The following HIBADH variants were observed in gnomAD, a reference collection of about 807,000 sequenced individuals.
The protein encoded by HIBADH is 3-hydroxyisobutyrate dehydrogenase, mitochondrial.
A neutral mutation model predicts 36.1 loss-of-function variants in HIBADH; 25 were observed. That is an observed-to-expected ratio of 0.69 (90% CI 0.50 to 0.97). HIBADH has a LOEUF of 0.97. HIBADH is among the 50% of genes least tolerant of loss of function. HIBADH has a pLI of 0.00. For synonymous variants in HIBADH, 160 were observed against 149.5 expected (o/e 1.07, Z -0.51); for missense variants, 421 against 418.0 (o/e 1.01, Z -0.06).
At position 27,542,499 on chromosome 7, in the gene HIBADH, G is replaced by C. The variant is rs182358552; in HGVS notation, c.618+468C>G. 1.1e-3 allele frequency among the ~76,000 whole-genome samples: 137 copies of C among 120,100 alleles called. 1 individual carries two copies. The East Asian group carries it at 0.036, about 31-fold the overall frequency. The allele number at this position is 120,100 out of a possible 152,430, so 78.8% of individuals were successfully genotyped here. A position where few individuals can be genotyped will look rare whatever the true frequency, so the allele number is the denominator to read the frequency against. ...TCTTGCTCTATCACCCAGGCTGACT[G>C]CAGTGGCTCTATCATGGCTCACTGC... On this transcript the variant is annotated intron_variant, in intron 5 of 7. Transcript: ENST00000265395.
chr7:27,612,254 C>G (rs545962522), intron 4 of HIBADH, among the ~76,000 whole-genome samples: 2 of 151,474 alleles, frequency 1.3e-5, no homozygotes, highest in Admixed American at 1.3e-4. Context: ...ATTTCAAGTA[C>G]AAGATATTTT....
At chr7:27,566,070 A>G (rs889466172) in intron 4 of HIBADH, among the ~76,000 whole-genome samples, 1 of 152,006 alleles carries the variant, frequency 6.6e-6, no homozygotes, top group Non-Finnish European at 1.5e-5. Flanking sequence ...CAATTTCTTA[A>G]TATGTTGATC....
rs796941015 is a variant in HIBADH, at chr7:27,551,414, T to C, written c.485-8314A>G. Reference sequence around the variant, plus strand: ...TTGACACTCAAATGAAACAATACATTGGAAAGGTATATAGCTATTACACAA... The same window carrying C: ...TTGACACTCAAATGAAACAATACATCGGAAAGGTATATAGCTATTACACAA... On this transcript the variant is annotated intron_variant, in intron 4 of 7. Coordinates refer to ENST00000265395, the MANE Select transcript of HIBADH (RefSeq NM_152740.4). Among the ~76,000 whole-genome samples the C allele has an allele frequency of 3.9e-5, 6 of 152,112 alleles. No homozygotes were observed. The East Asian group carries it at 1.2e-3, about 29-fold the overall frequency.
chr7:27,580,401 T>TAAC (rs996795831), intron 4 of HIBADH, among the ~76,000 whole-genome samples: 30 of 152,182 alleles, frequency 2.0e-4, no homozygotes, highest in Admixed American at 1.5e-3. Flanking sequence ...CAGTTCCCAA[T>TAAC]AACAACAACA....
At chr7:27,660,597 G>A (rs764805731) in intron 1 of HIBADH, among the ~76,000 whole-genome samples, 1 of 152,014 alleles carries the variant, frequency 6.6e-6, no homozygotes, top group Non-Finnish European at 1.5e-5. Context: ...CCTGGGAGGC[G>A]GAGCTTGCAG....
rs143519307 is a variant in HIBADH, at chr7:27,549,187, T to C, written c.485-6087A>G. Among the ~76,000 whole-genome samples the C allele has an allele frequency of 2.9e-3, 447 of 152,234 alleles. 1 individual carries two copies. Among genetic ancestry groups the C allele is most frequent in the African/African-American group, 0.01 (427 of 41,544 alleles). On this transcript the variant is annotated intron_variant, in intron 4 of 7. Coordinates refer to ENST00000265395, the MANE Select transcript of HIBADH (RefSeq NM_152740.4). ...AAAATCAGAAATAAGGAGAAATAAG[T>C]TCAAGAGACCTACTGTACAACATGG...
chr7:27,658,819 C>T (rs1242843214), intron 1 of HIBADH, among the ~76,000 whole-genome samples: 1 of 152,106 alleles, frequency 6.6e-6, no homozygotes, highest in African/African-American at 2.4e-5. Context: ...CATAATACTA[C>T]GTCATAAGCA....
At chr7:27,606,535 T>C (rs961515052) in intron 4 of HIBADH, among the ~76,000 whole-genome samples, 5 of 152,260 alleles carry the variant, frequency 3.3e-5, no homozygotes, top group Non-Finnish European at 5.9e-5. Context: ...CGCCAGCTGA[T>C]AAACAAACAA....
intron 2 of HIBADH, among the ~76,000 whole-genome samples, chr7:27,635,807 C>T (rs1044932425): frequency 5.9e-5 from 9 of 152,172 alleles, no homozygotes; most frequent in Non-Finnish European, 8.8e-5. Context: ...AGATCTCCTG[C>T]TAATTCCAAC....
chr7:27,530,710 A>G (rs531906576), intron 7 of HIBADH, among the ~76,000 whole-genome samples: 1 of 152,072 alleles, frequency 6.6e-6, no homozygotes, highest in East Asian at 1.9e-4. Context: ...TGACTTAACT[A>G]GTTTTTATAT....
At chr7:27,611,888 T>C (rs1785327643) in intron 4 of HIBADH, among the ~76,000 whole-genome samples, 1 of 152,140 alleles carries the variant, frequency 6.6e-6, no homozygotes, top group East Asian at 1.9e-4. Flanking sequence ...TCTCTAAACC[T>C]TTTCATTCAA....
At chr7:27,538,657 T>C (rs1784102988) in intron 5 of HIBADH, among the ~76,000 whole-genome samples, 1 of 152,146 alleles carries the variant, frequency 6.6e-6, no homozygotes, top group Non-Finnish European at 1.5e-5. Flanking sequence ...TGAAAATTTA[T>C]TTTCCACATA....
chr7:27,642,364 T>C (rs1207735505), intron 2 of HIBADH, among the ~76,000 whole-genome samples: 3 of 152,206 alleles, frequency 2.0e-5, no homozygotes, highest in Non-Finnish European at 2.9e-5. Context: ...CACTTAATTA[T>C]AGTAAAATTA....
intron 1 of HIBADH, 108 bp downstream of exon 1, chr7:27,662,590 C>G: frequency 3.1e-6 from 2 of 637,642 alleles, no homozygotes; most frequent in Non-Finnish European, 4.7e-6. Context: ...GTTTTTTAAG[C>G]CCCAGCCCAA....
At chr7:27,529,527 T>C (rs926789942) in intron 7 of HIBADH, among the ~76,000 whole-genome samples, 9 of 152,120 alleles carry the variant, frequency 5.9e-5, no homozygotes, top group African/African-American at 1.9e-4. Flanking sequence ...GTGGTGGAAA[T>C]AGGAGAACTA....
intron 2 of HIBADH, among the ~76,000 whole-genome samples, chr7:27,641,599 T>A (rs934660858): frequency 1.3e-5 from 2 of 152,198 alleles, no homozygotes; most frequent in Admixed American, 6.5e-5. Flanking sequence ...TCCAACATTT[T>A]AAAAAACTAA....
intron 4 of HIBADH, 88 bp from the exon 5 acceptor site, chr7:27,543,188 A>G: frequency 7.4e-7 from 1 of 1,349,464 alleles, no homozygotes; most frequent in African/African-American, 1.5e-5. Context: ...GAAACCAACT[A>G]AAAACATCCT....
chr7:27,556,712 A>C (rs1173833123), intron 4 of HIBADH, among the ~76,000 whole-genome samples: 1 of 152,234 alleles, frequency 6.6e-6, no homozygotes, highest in Non-Finnish European at 1.5e-5. Flanking sequence ...GTACCTATAC[A>C]TACAAAGGTC....
intron 2 of HIBADH, among the ~76,000 whole-genome samples, chr7:27,645,369 T>TGG (rs70974487): frequency 3.9e-4 from 19 of 48,840 alleles, no homozygotes; most frequent in African/African-American, 1.5e-3. Flanking sequence ...ATGGTTTTGA[T>TGG]TTTTTTTTTT....
Sources: allele counts gnomAD v4.1 joint callset (sites outside exome capture counted in the v4.1 genomes callset), GRCh38; gene constraint gnomAD v4.1.1; transcripts MANE v1.5; gene names NCBI Gene and HGNC (gene_info 2026-07-23, HGNC 2026-07-21).